Variants in BTBD9 observed in about 807,000 individuals in gnomAD.
BTBD9 encodes the protein BTB/POZ domain-containing protein 9.
BTBD9 carries 49 observed loss-of-function variants against 64.3 expected under a neutral mutation model. The ratio of observed to expected loss-of-function variants is 0.76; its 90% confidence interval spans 0.61 to 0.97. The LOEUF is 0.97. BTBD9 is among the 50% of genes least tolerant of loss of function. The pLI, the probability that BTBD9 is intolerant of heterozygous loss-of-function variation, is 0.00. For synonymous variants in BTBD9, 260 were observed against 274.7 expected (o/e 0.95, Z 0.53); for missense variants, 598 against 762.1 (o/e 0.78, Z 2.53).
chr6:38,212,706 C>T (rs1762874494), intron 9 of BTBD9, among the ~76,000 whole-genome samples: 1 of 152,142 alleles, frequency 6.6e-6, no homozygotes, highest in African/African-American at 2.4e-5. Flanking sequence ...CCAGAAAACA[C>T]AATGCTAAAC....
chr6:38,400,209 A>G (rs1004434947), intron 6 of BTBD9, among the ~76,000 whole-genome samples: 6 of 151,960 alleles, frequency 3.9e-5, no homozygotes, highest in African/African-American at 1.5e-4. Flanking sequence ...TCTTCTCTGT[A>G]GTATCTTTAA....
intron 9 of BTBD9, chr6:38,207,397 G>T: frequency 5.8e-6 from 1 of 173,078 alleles, no homozygotes; most frequent in South Asian, 1.1e-4. Context: ...CAAGGCGGGA[G>T]GACTGCTGGA....
At chr6:38,276,118 G>T (rs556365469) in intron 8 of BTBD9, among the ~76,000 whole-genome samples, 167 of 152,196 alleles carry the variant, frequency 1.1e-3, no homozygotes, top group Non-Finnish European at 1.4e-3. Flanking sequence ...AACAACAATA[G>T]ACTGGATTAA....
At chr6:38,189,494 ATTTTTTG>A (rs1761959778) in intron 10 of BTBD9, among the ~76,000 whole-genome samples, 1 of 152,054 alleles carries the variant, frequency 6.6e-6, no homozygotes, top group African/African-American at 2.4e-5. Flanking sequence ...TTTATTGTAC[ATTTTTTG>A]TTTTTTGAGT....
chr6:38,503,567 C>G (rs1409830026), intron 6 of BTBD9, among the ~76,000 whole-genome samples: 2 of 152,080 alleles, frequency 1.3e-5, no homozygotes, highest in Non-Finnish European at 2.9e-5. Context: ...TTCCCCCCTA[C>G]TACTCTCAAA....
At chr6:38,340,371 A>AC (rs1034620684) in intron 7 of BTBD9, among the ~76,000 whole-genome samples, 1 of 152,204 alleles carries the variant, frequency 6.6e-6, no homozygotes, top group Non-Finnish European at 1.5e-5. Context: ...TAAACCTAGT[A>AC]CATCTTGTTA....
chr6:38,381,125 TCAAATGTATTAGGAAA>T (rs1372513723), intron 6 of BTBD9, among the ~76,000 whole-genome samples: 3 of 151,888 alleles, frequency 2.0e-5, no homozygotes, highest in Non-Finnish European at 4.4e-5. Flanking sequence ...GAGAAATAGA[TCAAATGTATTAGGAAA>T]CATAATTAAT....
chr6:38,235,616 G>A (rs1334104043), intron 9 of BTBD9, among the ~76,000 whole-genome samples: 1 of 152,130 alleles, frequency 6.6e-6, no homozygotes, highest in Non-Finnish European at 1.5e-5. Flanking sequence ...GCAGCTCATG[G>A]CCCCAAATGT....
At chr6:38,259,158 A>G (rs1764708730) in intron 8 of BTBD9, among the ~76,000 whole-genome samples, 1 of 152,244 alleles carries the variant, frequency 6.6e-6, no homozygotes, top group Admixed American at 6.5e-5. Context: ...TACCTTCACC[A>G]AAAGCCCATT....
chr6:38,268,758 A>G (rs568407790), intron 8 of BTBD9, among the ~76,000 whole-genome samples: 1 of 152,310 alleles, frequency 6.6e-6, no homozygotes, highest in South Asian at 2.1e-4. Context: ...AGCTCTTGCT[A>G]GAAATGATTT....
chr6:38,246,803 G>A (rs1307155595), intron 9 of BTBD9, among the ~76,000 whole-genome samples: 1 of 152,188 alleles, frequency 6.6e-6, no homozygotes, highest in African/African-American at 2.4e-5. Context: ...ACCTGGTAGG[G>A]CAGAAAAATC....
At chr6:38,359,623 C>T (rs1169026571) in intron 6 of BTBD9, among the ~76,000 whole-genome samples, 1 of 152,188 alleles carries the variant, frequency 6.6e-6, no homozygotes, top group Non-Finnish European at 1.5e-5. Context: ...GCTGATAATT[C>T]AGTATGTGCA....
At chr6:38,543,617 A>C (rs1292961476) in intron 6 of BTBD9, among the ~76,000 whole-genome samples, 1 of 152,156 alleles carries the variant, frequency 6.6e-6, no homozygotes, top group African/African-American at 2.4e-5. Flanking sequence ...TTACTCATTC[A>C]AAAAATATAC....
intron 6 of BTBD9, among the ~76,000 whole-genome samples, chr6:38,465,127 G>A (rs1770284108): frequency 6.6e-6 from 1 of 151,414 alleles, no homozygotes; most frequent in Non-Finnish European, 1.5e-5. Flanking sequence ...CCTCATCTCT[G>A]CTAAAGTTAA....
intron 9 of BTBD9, among the ~76,000 whole-genome samples, chr6:38,227,936 T>C (rs1763454721): frequency 1.3e-5 from 2 of 152,166 alleles, no homozygotes; most frequent in South Asian, 4.1e-4. Context: ...AGTAAAAAGA[T>C]CAGTGGTTGC....
Position 38,588,443 on chromosome 6 carries a change from G to A in BTBD9, c.814+4133C>T, listed in dbSNP as rs1451560391. ...AGTTTTACTTCACTTCCTGTAAGTA[G>A]CATGACCCCTCCTCCAACTGGGCCT... On this transcript the variant is annotated intron_variant, in intron 4 of 10. Transcript: ENST00000481247. The A allele has an allele frequency of 1.8e-5, 15 of 815,152 alleles. No individual in the cohort carries two copies. In the South Asian group the frequency reaches 1.9e-4, roughly 11 times the overall value. 50.5% of individuals were successfully genotyped at this position (815,152 alleles called of 1,614,324 possible).
chr6:38,306,194 T>C (rs947309224), intron 7 of BTBD9, among the ~76,000 whole-genome samples: 5 of 152,238 alleles, frequency 3.3e-5, no homozygotes, highest in African/African-American at 1.2e-4. Context: ...AAACACCATC[T>C]GGATGGGACT....
At chr6:38,229,603 GA>G (rs1370761643) in intron 9 of BTBD9, among the ~76,000 whole-genome samples, 1 of 152,190 alleles carries the variant, frequency 6.6e-6, no homozygotes, top group Non-Finnish European at 1.5e-5. Flanking sequence ...AGACAGTGTA[GA>G]CTAAGACTGC....
chr6:38,608,756 A>C (rs950165883), intron 1 of BTBD9, among the ~76,000 whole-genome samples: 1 of 152,258 alleles, frequency 6.6e-6, no homozygotes, highest in African/African-American at 2.4e-5. Flanking sequence ...TTTGTACAAC[A>C]TAAAATATTG....
Sources: allele counts gnomAD v4.1 joint callset (sites outside exome capture counted in the v4.1 genomes callset), GRCh38; gene constraint gnomAD v4.1.1; transcripts MANE v1.5; gene names NCBI Gene and HGNC (gene_info 2026-07-23, HGNC 2026-07-21).